Variants in CLK4 observed in about 807,000 individuals in gnomAD.
CLK4 encodes dual specificity protein kinase CLK4.
In CLK4, 37 loss-of-function variants were observed where a neutral mutation model predicts 64.4. That is an observed-to-expected ratio of 0.57 (90% CI 0.44 to 0.76). The LOEUF (loss-of-function observed/expected upper bound fraction) is 0.76. CLK4 is among the 30% of genes least tolerant of loss of function. The pLI is 0.00. For synonymous variants in CLK4, 175 were observed against 191.6 expected, an observed-to-expected ratio of 0.91 and a Z score of 0.72; for missense variants, 457 against 605.1, an observed-to-expected ratio of 0.76 and a Z score of 2.57.
chr5:178,606,096 A>G (rs115115588), intron 10 of CLK4, among the ~76,000 whole-genome samples: 12 of 152,374 alleles, frequency 7.9e-5, no homozygotes, highest in African/African-American at 2.9e-4. Context: ...CATGACAGGA[A>G]TAAGTAATAC....
intron 7 of CLK4, among the ~76,000 whole-genome samples, chr5:178,613,257 T>C (rs1226893058): frequency 5.3e-5 from 8 of 152,028 alleles, no homozygotes; most frequent in Non-Finnish European, 1.2e-4. Context: ...CCATCTCTAC[T>C]AAAAATACAA....
chr5:178,608,408 T>G lies in CLK4; in HGVS notation c.1102A>C (p.Ile368Leu). 6.2e-7 allele frequency: 1 copy of G among 1,609,854 alleles called. No individual in the cohort carries two copies. Among genetic ancestry groups the G allele is most frequent in the Middle Eastern group, 1.7e-4 (1 of 6,054 alleles). ...ACTGTGAAACCAAGGTAATATTCAA[T>G]AAGAATGCAACCTATGCTCCAAACA... ...CDVWSIGCIL[I>L]EYYLGFTVFQ... The change falls in exon 10 of 13, where the codon ATT becomes CTT. Residue 368 changes from isoleucine (I) to leucine (L), a missense_variant. By Grantham distance (5) the Ile-to-Leu change is conservative. Coordinates refer to ENST00000316308, the MANE Select transcript of CLK4 (RefSeq NM_020666.3).
chr5:178,613,993 T>G (rs1426693514), intron 5 of CLK4, 150 bp from the exon 6 acceptor site: 1 of 580,012 alleles, frequency 1.7e-6, no homozygotes, highest in African/African-American at 1.9e-5. Flanking sequence ...ATATAACATC[T>G]TCTTAAAACA....
At chr5:178,613,226 C>A (rs565793328) in intron 7 of CLK4, among the ~76,000 whole-genome samples, 5 of 152,222 alleles carry the variant, frequency 3.3e-5, no homozygotes, top group Non-Finnish European at 5.9e-5. Flanking sequence ...TCGAGACCAT[C>A]CTGGCTAACA....
chr5:178,612,363 G>T, intron 9 of CLK4, 53 bp downstream of exon 9: 1 of 1,519,052 alleles, frequency 6.6e-7, no homozygotes, highest in South Asian at 1.3e-5. Flanking sequence ...AAGCTGTAAA[G>T]AACAAAAATC....
Position 178,612,403 on chromosome 5 carries a change from G to A in CLK4, c.1051+13C>T. 6.3e-7 allele frequency: 1 copy of A among 1,590,532 alleles called. No homozygotes were observed. The highest frequency in any genetic ancestry group is 8.6e-7 in the Non-Finnish European group (1 of 1,167,186). On this transcript the variant is annotated intron_variant, in intron 9 of 12. Transcript: ENST00000316308. ...CTTCAATTATAATATTAGAAAGCCT[G>A]GTGTCTACTGACCCAAAATGACCTC...
At chr5:178,608,562 G>T in intron 9 of CLK4, 104 bp from the exon 10 acceptor site, 1 of 734,126 alleles carries the variant, frequency 1.4e-6, no homozygotes, top group Non-Finnish European at 2.2e-6. Context: ...ACCCATTTGG[G>T]AGAATAAGAC....
At chr5:178,612,264 T>C (rs1764567385) in intron 9 of CLK4, 152 bp downstream of exon 9, 1 of 618,340 alleles carries the variant, frequency 1.6e-6, no homozygotes, top group East Asian at 2.9e-5. Context: ...AGGAAAAGTA[T>C]TTATAGCAAT....
At chr5:178,619,741 C>A in intron 2 of CLK4, 2 of 1,258,466 alleles carry the variant, frequency 1.6e-6, no homozygotes, top group Non-Finnish European at 2.1e-6. Context: ...AGGTCATGGG[C>A]CTCAGGATGT....
At chr5:178,623,129 TA>T in intron 2 of CLK4, 126 bp downstream of exon 2, 1 of 953,928 alleles carries the variant, frequency 1.0e-6, no homozygotes, top group South Asian at 1.5e-5. Context: ...AGTACTCAAA[TA>T]TTTTCTAAAC....
intron 2 of CLK4, among the ~76,000 whole-genome samples, chr5:178,620,923 T>C (rs1165618649): frequency 2.6e-5 from 4 of 152,096 alleles, no homozygotes; most frequent in Non-Finnish European, 5.9e-5. Context: ...AAAAGTAGAA[T>C]ACAGAAGAAA....
intron 5 of CLK4, 70 bp downstream of exon 5, chr5:178,616,812 T>C: frequency 8.6e-7 from 1 of 1,156,660 alleles, no homozygotes; most frequent in Non-Finnish European, 1.3e-6. Flanking sequence ...ATAAATAAAA[T>C]TTCATCTGAA....
intron 1 of CLK4, among the ~76,000 whole-genome samples, chr5:178,626,737 A>C (rs1428315823): frequency 6.6e-6 from 1 of 152,192 alleles, no homozygotes; most frequent in Non-Finnish European, 1.5e-5. Context: ...GCGAGCGGCC[A>C]GGGCCCTCAG....
intron 10 of CLK4, among the ~76,000 whole-genome samples, chr5:178,606,348 T>C (rs770807270): frequency 6.6e-6 from 1 of 152,188 alleles, no homozygotes; most frequent in Non-Finnish European, 1.5e-5. Context: ...CAGAACTGAT[T>C]AATAACCATG....
intron 9 of CLK4, among the ~76,000 whole-genome samples, chr5:178,609,756 T>A (rs935396705): frequency 1.7e-4 from 22 of 133,004 alleles, no homozygotes; most frequent in Admixed American, 6.7e-4. Flanking sequence ...TATATATATA[T>A]AAATTAGTTG....
intron 5 of CLK4, among the ~76,000 whole-genome samples, chr5:178,614,832 C>T (rs918712506): frequency 6.6e-6 from 1 of 152,178 alleles, no homozygotes; most frequent in Admixed American, 6.5e-5. Context: ...TTGGCATATA[C>T]CTCAAGACTT....
intron 9 of CLK4, among the ~76,000 whole-genome samples, chr5:178,610,274 T>C (rs981245141): frequency 1.3e-5 from 2 of 151,150 alleles, no homozygotes; most frequent in African/African-American, 2.4e-5. Flanking sequence ...CGGGTGACAG[T>C]GCAAGACTGC....
intron 10 of CLK4, among the ~76,000 whole-genome samples, chr5:178,607,900 A>G (rs1764491142): frequency 6.6e-6 from 1 of 152,198 alleles, no homozygotes; most frequent in African/African-American, 2.4e-5. Context: ...TGACTTGAGA[A>G]AGATGTTGTC....
chr5:178,609,084 T>G (rs781690097), intron 9 of CLK4, among the ~76,000 whole-genome samples: 35 of 152,348 alleles, frequency 2.3e-4, no homozygotes, highest in Non-Finnish European at 4.0e-4. Context: ...TGATTTTATA[T>G]ACTTTCTCCT....
Sources: gnomAD v4.1 joint callset for allele counts (sites outside exome capture counted in the v4.1 genomes callset) on GRCh38, gnomAD v4.1.1 for gene constraint, MANE v1.5 for transcripts, NCBI Gene and HGNC (gene_info 2026-07-23, HGNC 2026-07-21) for gene names.